The following RBPMS variants were observed in gnomAD, a reference collection of about 807,000 sequenced individuals.
RBPMS encodes RNA-binding protein with multiple splicing.
RBPMS carries 7 observed loss-of-function variants against 26.8 expected under a neutral mutation model. The ratio of observed to expected loss-of-function variants is 0.26; its 90% CI spans 0.15 to 0.49. The LOEUF is 0.49. Ranked by LOEUF, RBPMS falls within the 20% of genes least tolerant of loss-of-function variation. RBPMS has a pLI of 0.98. For missense variants in RBPMS, 186 were observed against 250.0 expected, an observed-to-expected ratio of 0.74 and a Z score of 1.73; for synonymous variants, 96 against 93.3, an observed-to-expected ratio of 1.03 and a Z score of -0.17.
chr8:30,557,311 C>G (rs1015483798), intron 6 of RBPMS, among the ~76,000 whole-genome samples: 1 of 152,176 alleles, frequency 6.6e-6, no homozygotes, highest in Admixed American at 6.5e-5. Context: ...GCCTTGTGCT[C>G]GGACCAGGGA....
At chr8:30,497,900 G>A (rs770190967) in intron 4 of RBPMS, among the ~76,000 whole-genome samples, 34 of 151,838 alleles carry the variant, frequency 2.2e-4, no homozygotes, top group Admixed American at 1.1e-3. Context: ...GGGATTACAG[G>A]CATGATCCAC....
intron 1 of RBPMS, among the ~76,000 whole-genome samples, chr8:30,407,848 A>T (rs1344114219): frequency 8.0e-6 from 1 of 124,410 alleles, no homozygotes; most frequent in Non-Finnish European, 1.7e-5. Context: ...GAACCTGGTC[A>T]GTTAGTTCAA....
At chr8:30,564,976 GCTT>G (rs1827784497) in intron 7 of RBPMS, 1 of 152,178 alleles carries the variant, frequency 6.6e-6, no homozygotes, top group South Asian at 2.1e-4. Flanking sequence ...AAGCCCAGAG[GCTT>G]CTTAATCATC....
At chr8:30,549,820 CTCTCTCTTTTCTT>C (rs1259021208) in intron 6 of RBPMS, among the ~76,000 whole-genome samples, 5 of 142,166 alleles carry the variant, frequency 3.5e-5, no homozygotes, top group Non-Finnish European at 6.2e-5. Flanking sequence ...CTCTCTCTCT[CTCTCTCTTTTCTT>C]TCTTTTCTTT....
intron 2 of RBPMS, among the ~76,000 whole-genome samples, chr8:30,476,212 G>GCAA (rs72586917): frequency 2.0e-5 from 3 of 151,666 alleles, no homozygotes; most frequent in African/African-American, 7.3e-5. Flanking sequence ...GAAACTTGGA[G>GCAA]CTGAATAAAT....
intron 5 of RBPMS, among the ~76,000 whole-genome samples, chr8:30,510,866 C>CA (rs1349579832): frequency 7.2e-5 from 11 of 152,080 alleles, no homozygotes; most frequent in African/African-American, 2.7e-4. Context: ...AGCCATGACT[C>CA]ACTTCTTTTT....
Position 30,504,247 on chromosome 8 carries a change from G to A in RBPMS, c.247-39G>A. Reference sequence around the variant, plus strand: ...GTCACCATTCCGGTTTGACTCAAAGGAAATGAAAACATCTTCCATTTGTTC... The same window carrying A: ...GTCACCATTCCGGTTTGACTCAAAGAAAATGAAAACATCTTCCATTTGTTC... On this transcript the variant is annotated intron_variant, in intron 4 of 8. Coordinates refer to ENST00000397323, the MANE Select transcript of RBPMS (RefSeq NM_001008710.3). 1.9e-6 allele frequency: 3 copies of A among 1,611,374 alleles called. No individual in the cohort carries two copies. In the African/African-American group the frequency reaches 4.0e-5, roughly 21 times the overall value.
intron 1 of RBPMS, among the ~76,000 whole-genome samples, chr8:30,432,747 G>A (rs1056979695): frequency 6.6e-6 from 1 of 152,126 alleles, no homozygotes; most frequent in Non-Finnish European, 1.5e-5. Flanking sequence ...TAACTGTGCA[G>A]TAGTTTCGAT....
chr8:30,529,752 C>CTTTT (rs34005902), intron 5 of RBPMS, among the ~76,000 whole-genome samples: 2 of 140,726 alleles, frequency 1.4e-5, no homozygotes. Context: ...GAACTTCATC[C>CTTTT]TTTTTTTTTT....
chr8:30,518,687 C>CTTGTTTTTTTTTTTTT, intron 5 of RBPMS, among the ~76,000 whole-genome samples: 1 of 18,236 alleles, frequency 5.5e-5, no homozygotes, highest in Non-Finnish European at 9.8e-5. Flanking sequence ...CCAAGCATGA[C>CTTGTTTTTTTTTTTTT]TTTTTTTTTT....
intron 6 of RBPMS, chr8:30,544,859 T>C (rs1222535524): frequency 6.6e-7 from 1 of 1,514,720 alleles, no homozygotes; most frequent in African/African-American, 1.4e-5. Flanking sequence ...TCTCTCTTCC[T>C]TAATGATCTC....
At chr8:30,481,253 A>G (rs1234532246) in intron 4 of RBPMS, among the ~76,000 whole-genome samples, 1 of 152,222 alleles carries the variant, frequency 6.6e-6, no homozygotes, top group Non-Finnish European at 1.5e-5. Context: ...AGCGTGAGCC[A>G]CCACACCCAG....
intron 2 of RBPMS, among the ~76,000 whole-genome samples, chr8:30,477,102 T>C (rs1237315297): frequency 6.6e-6 from 1 of 152,196 alleles, no homozygotes; most frequent in African/African-American, 2.4e-5. Flanking sequence ...TCTCCCAGGC[T>C]GGAGTGTAGT....
At chr8:30,449,814 C>T (rs80198100) in intron 1 of RBPMS, among the ~76,000 whole-genome samples, 1 of 152,346 alleles carries the variant, frequency 6.6e-6, no homozygotes, top group East Asian at 1.9e-4. Context: ...TCTCTGATAG[C>T]CTCTTAGGCA....
chr8:30,390,766 T>C (rs1474466999), intron 1 of RBPMS, among the ~76,000 whole-genome samples: 1 of 152,258 alleles, frequency 6.6e-6, no homozygotes, highest in African/African-American at 2.4e-5. Context: ...TTATTTTGTA[T>C]GGGTCTATGC....
chr8:30,466,749 C>G (rs543632663), intron 1 of RBPMS, among the ~76,000 whole-genome samples: 1 of 151,964 alleles, frequency 6.6e-6, no homozygotes, highest in Admixed American at 6.6e-5. Context: ...TGCCGACCAC[C>G]ACGCTGGCTA....
Position 30,550,498 on chromosome 8 carries a change from A to C in RBPMS, c.528+5874A>C, listed in dbSNP as rs181623591. Reference sequence around the variant, plus strand: ...AGTAAGGAGAAGGAAGCCCAGGACTAAGCCTAAGCTACCCACAAGGCCGTG... The same window carrying C: ...AGTAAGGAGAAGGAAGCCCAGGACTCAGCCTAAGCTACCCACAAGGCCGTG... On this transcript the variant is annotated intron_variant, in intron 6 of 8. Transcript: ENST00000397323. Among the ~76,000 whole-genome samples the C allele has an allele frequency of 1.2e-3, 176 of 152,336 alleles. 3 individuals carry two copies. Among genetic ancestry groups the C allele is most frequent in the Middle Eastern group, 0.01 (3 of 294 alleles).
At chr8:30,461,969 T>C (rs1278870550) in intron 1 of RBPMS, among the ~76,000 whole-genome samples, 1 of 152,226 alleles carries the variant, frequency 6.6e-6, no homozygotes, top group Non-Finnish European at 1.5e-5. Flanking sequence ...AGATTGGCTT[T>C]TTTTACTTAG....
Position 30,544,603 on chromosome 8 carries a change from T to C in RBPMS, c.507T>C (p.Tyr169=), listed in dbSNP as rs1227192653. The change falls in exon 6 of 9, where the codon TAT becomes TAC. Residue 169 remains tyrosine, a synonymous_variant. Transcript: ENST00000397323. The stretch of plus-strand genomic sequence containing the variant: ...CTCTACCTCCTCCTGCTTTCACCTA[T>C]CCCGCTTCACTGCATGCCCAGGTAA... ...APALPPPAFT[Y]PASLHAQMRW... 1.2e-6 allele frequency: 2 copies of C among 1,613,972 alleles called. No homozygotes were observed. Among genetic ancestry groups the C allele is most frequent in the East Asian group, 4.5e-5 (2 of 44,886 alleles).
Sources: gnomAD v4.1 joint callset for allele counts (sites outside exome capture counted in the v4.1 genomes callset) on GRCh38, gnomAD v4.1.1 for gene constraint, MANE v1.5 for transcripts, NCBI Gene and HGNC (gene_info 2026-07-23, HGNC 2026-07-21) for gene names.